The following VWA8 variants were observed in gnomAD, a reference collection of about 807,000 sequenced individuals.
The protein encoded by VWA8 is von Willebrand factor A domain containing 8, also known as von Willebrand factor A domain-containing protein 8.
In VWA8, 221 loss-of-function variants were observed where a neutral mutation model predicts 241.5. That is an observed-to-expected ratio of 0.91 (90% CI 0.82 to 1.02). VWA8 has a LOEUF of 1.02. Among genes scored for constraint, VWA8 ranks in the 50% least tolerant of loss-of-function variants. The pLI, the probability that VWA8 is intolerant of heterozygous loss-of-function variation, is 0.00. For missense variants in VWA8, 2,322 were observed against 2,328.7 expected, an observed-to-expected ratio of 1.00 and a Z score of 0.06; for synonymous variants, 852 against 827.1, an observed-to-expected ratio of 1.03 and a Z score of -0.52.
intron 12 of VWA8, among the ~76,000 whole-genome samples, chr13:41,860,832 T>C (rs1184225281): frequency 6.6e-6 from 1 of 152,100 alleles, no homozygotes; most frequent in African/African-American, 2.4e-5. Context: ...GAAGTGAACA[T>C]AAATTTCATA....
chr13:41,877,955 T>C (rs9566870), intron 9 of VWA8, among the ~76,000 whole-genome samples: 36,879 of 151,988 alleles, frequency 0.24, 5,309 homozygotes, highest in Non-Finnish European at 0.31. Context: ...CAGCCACTTT[T>C]ATAGCTTGTT....
Position 41,568,669 on chromosome 13 carries a change from G to A in VWA8, c.5610-364C>T, listed in dbSNP as rs1312827872. The stretch of plus-strand genomic sequence containing the variant: ...GGAATCAGCTCACCTCCCGGGTCTA[G>A]CAAATATGTTGACCTTACACTGTAT... On this transcript the variant is annotated intron_variant, in intron 44 of 44. Coordinates refer to ENST00000379310, the MANE Select transcript of VWA8 (RefSeq NM_015058.2). Among the ~76,000 whole-genome samples the A allele has an allele frequency of 2.0e-5, 3 of 152,202 alleles. No individual in the cohort carries two copies. In the East Asian group the frequency reaches 5.8e-4, roughly 29 times the overall value.
At chr13:41,614,945 G>C (rs778827787) in intron 38 of VWA8, 31 bp downstream of exon 38, 2 of 1,608,838 alleles carry the variant, frequency 1.2e-6, no homozygotes, top group African/African-American at 1.3e-5. Flanking sequence ...CCTGGGGAAG[G>C]CTGACTCAGG....
intron 17 of VWA8, among the ~76,000 whole-genome samples, chr13:41,793,935 T>A (rs1010911839): frequency 6.6e-6 from 1 of 152,230 alleles, no homozygotes; most frequent in Non-Finnish European, 1.5e-5. Flanking sequence ...TTGTCAAAGA[T>A]CAGGTGGTTG....
At chr13:41,813,641 C>T (rs560175128) in intron 16 of VWA8, among the ~76,000 whole-genome samples, 1 of 152,174 alleles carries the variant, frequency 6.6e-6, no homozygotes, top group Admixed American at 6.6e-5. Context: ...ATAAGGAATG[C>T]TCATATATTT....
intron 43 of VWA8, among the ~76,000 whole-genome samples, chr13:41,571,688 C>T (rs149762421): frequency 0.02 from 3,015 of 152,280 alleles, 66 homozygotes; most frequent in East Asian, 0.1. Flanking sequence ...GGCGTGATCT[C>T]GGCTCGCTGC....
chr13:41,601,902 A>C (rs1299600656), intron 40 of VWA8, among the ~76,000 whole-genome samples: 1 of 152,138 alleles, frequency 6.6e-6, no homozygotes, highest in Non-Finnish European at 1.5e-5. Flanking sequence ...TCAAGTGATG[A>C]TTTGCTAGTT....
chr13:41,802,978 T>C (rs1164444446), intron 17 of VWA8, among the ~76,000 whole-genome samples: 1 of 152,200 alleles, frequency 6.6e-6, no homozygotes, highest in Non-Finnish European at 1.5e-5. Context: ...AGAGATTCCA[T>C]TTGTTTGAGG....
intron 20 of VWA8, among the ~76,000 whole-genome samples, chr13:41,774,027 AC>A (rs1216849772): frequency 6.6e-6 from 1 of 152,216 alleles, no homozygotes; most frequent in Non-Finnish European, 1.5e-5. Context: ...AGAGAAAAAG[AC>A]ATTTCAATTT....
intron 12 of VWA8, among the ~76,000 whole-genome samples, chr13:41,850,845 T>C (rs2138029157): frequency 6.6e-6 from 1 of 152,222 alleles, no homozygotes; most frequent in Non-Finnish European, 1.5e-5. Flanking sequence ...CACCAGGAAC[T>C]GACACTAAAT....
intron 21 of VWA8, among the ~76,000 whole-genome samples, chr13:41,752,854 G>A (rs2045666510): frequency 1.3e-5 from 2 of 152,130 alleles, no homozygotes; most frequent in South Asian, 4.1e-4. Context: ...GACTCAAGGA[G>A]TTCAGGGCTC....
chr13:41,899,824 T>TAC (rs1404420735), intron 4 of VWA8, among the ~76,000 whole-genome samples: 12 of 152,232 alleles, frequency 7.9e-5, no homozygotes, highest in African/African-American at 2.9e-4. Context: ...AAGTAAATGT[T>TAC]ACAAGTTTTC....
In VWA8 at chr13:41,590,670, G is replaced by A. The variant is rs2044448615; in HGVS notation, c.5082C>T (p.Ile1694=). 1 of 1,614,068 alleles carries A rather than the reference G, an allele frequency of 6.2e-7. No individual in the cohort carries two copies. The highest frequency in any genetic ancestry group is 8.5e-7 in the Non-Finnish European group (1 of 1,179,986). ...IIDGLTGEKA[I]YKRRGELEPQ... is the part of the protein sequence containing the mutation. The stretch of plus-strand genomic sequence containing the variant: ...GCTCCAGCTCACCCCGACGTTTGTA[G>A]ATGGCTTTTTCTCCAGTCAGCCCAT... The change falls in exon 41 of 45, where the codon ATC becomes ATT. Residue 1694 remains isoleucine, a synonymous_variant. Coordinates refer to ENST00000379310, the MANE Select transcript of VWA8 (RefSeq NM_015058.2).
chr13:41,691,975 T>A (rs374934665), intron 30 of VWA8, 37 bp from the exon 31 acceptor site: 1 of 1,408,696 alleles, frequency 7.1e-7, no homozygotes, highest in African/African-American at 1.4e-5. Context: ...ATATTAAATG[T>A]GTCAGATACA....
chr13:41,635,552 C>T (rs892711311), intron 37 of VWA8, among the ~76,000 whole-genome samples: 4 of 152,204 alleles, frequency 2.6e-5, no homozygotes, highest in Non-Finnish European at 5.9e-5. Context: ...CAAGCCCTGG[C>T]TATGAATCAG....
intron 37 of VWA8, among the ~76,000 whole-genome samples, chr13:41,658,351 G>A (rs2044923910): frequency 1.3e-5 from 2 of 152,212 alleles, no homozygotes; most frequent in Non-Finnish European, 2.9e-5. Context: ...TTTGTCCTGA[G>A]CATTTTCCTT....
At chr13:41,832,250 C>T (rs973211735) in intron 13 of VWA8, among the ~76,000 whole-genome samples, 4 of 152,060 alleles carry the variant, frequency 2.6e-5, no homozygotes, top group East Asian at 3.9e-4. Flanking sequence ...TTTTTAATTG[C>T]CACCCTGCAA....
intron 2 of VWA8, among the ~76,000 whole-genome samples, chr13:41,947,649 T>G (rs1877910067): frequency 6.6e-6 from 1 of 152,090 alleles, no homozygotes; most frequent in African/African-American, 2.4e-5. Flanking sequence ...AAAACCATAT[T>G]GGTGGTCGGG....
chr13:41,911,141 G>C (rs1313337154), intron 3 of VWA8, among the ~76,000 whole-genome samples: 3 of 146,292 alleles, frequency 2.1e-5, no homozygotes, highest in Non-Finnish European at 3.0e-5. Flanking sequence ...TTGGCTCACT[G>C]CAACTTCCAC....
Sources: allele counts gnomAD v4.1 joint callset (sites outside exome capture counted in the v4.1 genomes callset), GRCh38; gene constraint gnomAD v4.1.1; transcripts MANE v1.5; gene names NCBI Gene and HGNC (gene_info 2026-07-23, HGNC 2026-07-21).